The following KCNQ1 variants were observed in gnomAD, a reference collection of about 807,000 sequenced individuals.
KCNQ1 encodes the protein potassium voltage-gated channel subfamily Q member 1.
In KCNQ1, 49 loss-of-function variants were observed where a neutral mutation model predicts 72.4. The observed-to-expected ratio is 0.68, with a 90% confidence interval of 0.54 to 0.86. The LOEUF is 0.86. Among genes scored for constraint, KCNQ1 ranks in the 40% least tolerant of loss-of-function variants. KCNQ1 has a pLI of 0.00. For missense variants in KCNQ1, 790 were observed against 945.1 expected (o/e 0.84, Z 2.15); for synonymous variants, 450 against 412.6 (o/e 1.09, Z -1.10).
intron 15 of KCNQ1, among the ~76,000 whole-genome samples, chr11:2,794,821 T>C (rs1847098619): frequency 6.6e-6 from 1 of 152,106 alleles, no homozygotes. Context: ...ACATACCTGT[T>C]CTTCCCAAGT....
rs1416400119 is a variant in KCNQ1, at chr11:2,668,566, T to C, written c.1514+6485T>C. On this transcript the variant is annotated intron_variant, in intron 11 of 15. Transcript: ENST00000155840. The surrounding 1 kb of genome is among the most constrained non-coding windows in gnomAD (Gnocchi z 4.3). Reference sequence around the variant, plus strand: ...ACTAATGAAGTTGAGTCCCTTTCCATGTTATCATTTAGTCAGATACATCAT... The same window carrying C: ...ACTAATGAAGTTGAGTCCCTTTCCACGTTATCATTTAGTCAGATACATCAT... The C allele has an allele frequency of 5.0e-6, 2 of 398,534 alleles. No individual in the cohort carries two copies. Among genetic ancestry groups the C allele is most frequent in the African/African-American group, 4.1e-5 (2 of 48,634 alleles). 24.7% of individuals were successfully genotyped at this position (398,534 alleles called of 1,614,324 possible).
intron 8 of KCNQ1, among the ~76,000 whole-genome samples, chr11:2,587,247 C>T (rs1052966449): frequency 3.3e-5 from 5 of 152,198 alleles, no homozygotes; most frequent in African/African-American, 4.8e-5. Context: ...GGATGATGTG[C>T]GACCTGCCCA....
intron 1 of KCNQ1, among the ~76,000 whole-genome samples, chr11:2,517,042 C>T (rs1289227132): frequency 1.3e-5 from 2 of 152,192 alleles, no homozygotes; most frequent in Non-Finnish European, 2.9e-5. Flanking sequence ...CCAGGCTGCT[C>T]CTGGAAAGGA....
At chr11:2,806,355 T>C (rs1341933145) in intron 15 of KCNQ1, among the ~76,000 whole-genome samples, 4 of 152,178 alleles carry the variant, frequency 2.6e-5, no homozygotes, top group African/African-American at 9.7e-5. Flanking sequence ...GGGACTTCCC[T>C]GCTGAGGACG....
At chr11:2,733,017 G>A (rs1845880174) in intron 11 of KCNQ1, among the ~76,000 whole-genome samples, 2 of 152,130 alleles carry the variant, frequency 1.3e-5, no homozygotes, top group South Asian at 4.1e-4. Context: ...AGGGGGTCTG[G>A]GACACAGCCA....
At chr11:2,666,686 G>A (rs1850075435) in intron 11 of KCNQ1, 1 of 398,664 alleles carries the variant, frequency 2.5e-6, no homozygotes, top group African/African-American at 2.1e-5. Flanking sequence ...CTTGGCCTGG[G>A]ACATTTTGGA....
At position 2,488,700 on chromosome 11, in the gene KCNQ1, C is replaced by T. The variant is rs771440481; in HGVS notation, c.387-39228C>T. 1.3e-5 allele frequency among the ~76,000 whole-genome samples: 2 copies of T among 152,056 alleles called. No homozygotes were observed. The highest frequency in any genetic ancestry group is 2.4e-5 in the African/African-American group (1 of 41,400). On this transcript the variant is annotated intron_variant, in intron 1 of 15. Transcript: ENST00000155840. The surrounding 1 kb of genome is among the most constrained non-coding windows in gnomAD (Gnocchi z 5.1). ...TTTCTGTAGAATTGATAGTCATGTC[C>T]CTATTTTCACTTCTGATTTCAGTAG... is the stretch of plus-strand genomic sequence containing the variant.
Position 2,695,642 on chromosome 11 carries a change from C to G in KCNQ1, c.1514+33561C>G. The G allele has an allele frequency of 2.5e-6, 1 of 398,584 alleles. No homozygotes were observed. The highest frequency in any genetic ancestry group is 1.3e-4 in the South Asian group (1 of 7,850). 24.7% of individuals were successfully genotyped at this position (398,584 alleles called of 1,614,324 possible). ...ACTTAGGAGGGAAACTGCTGGGCCA[C>G]AGGTATAAAATATTTTATTTGAGGA... On this transcript the variant is annotated intron_variant, in intron 11 of 15. Coordinates refer to ENST00000155840, the MANE Select transcript of KCNQ1 (RefSeq NM_000218.3). This position sits in a 1 kb window ranked among gnomAD's most constrained non-coding sequence, Gnocchi z 5.2.
Position 2,734,201 on chromosome 11 carries a change from G to T in KCNQ1, c.1515-34643G>T, listed in dbSNP as rs921629082. ...GTGGACGTCCAAAGAATAAACGAAT[G>T]AACCATCCAAAGCACAGGCCAGAGG... On this transcript the variant is annotated intron_variant, in intron 11 of 15. Transcript: ENST00000155840. The surrounding 1 kb of genome is among the most constrained non-coding windows in gnomAD (Gnocchi z 7.0). 4.6e-5 allele frequency among the ~76,000 whole-genome samples: 7 copies of T among 152,174 alleles called. No individual in the cohort carries two copies. Among genetic ancestry groups the T allele is most frequent in the African/African-American group, 9.7e-5 (4 of 41,446 alleles).
At position 2,745,156 on chromosome 11, in the gene KCNQ1, G is replaced by A. The variant is rs1359451714; in HGVS notation, c.1515-23688G>A. The stretch of plus-strand genomic sequence containing the variant: ...TTTATTCCTCCATGCCAACTTTAAA[G>A]TTAAGTTTATTGCATTTCTTAAAAA... On this transcript the variant is annotated intron_variant, in intron 11 of 15. Transcript: ENST00000155840. This position sits in a 1 kb window ranked among gnomAD's most constrained non-coding sequence, Gnocchi z 6.2. Among the ~76,000 whole-genome samples the A allele has an allele frequency of 6.6e-6, 1 of 152,168 alleles. No individual in the cohort carries two copies. The highest frequency in any genetic ancestry group is 1.5e-5 in the Non-Finnish European group (1 of 68,040).
In KCNQ1 at chr11:2,699,505, GGAGCCCCCAGGAGAGTGCCGCGCTGA is replaced by G. The variant is rs1590039974; in HGVS notation, c.1514+37426_1514+37451del. ...GCCCCCGGGGAGAGTGCCGCGCTGA[GGAGCCCCCAGGAGAGTGCCGCGCTGA>G]GGAGGCCCAGGGAGGACCGCGCGGA... On this transcript the variant is annotated intron_variant, in intron 11 of 15. Coordinates refer to ENST00000155840, the MANE Select transcript of KCNQ1 (RefSeq NM_000218.3). The G allele has an allele frequency of 3.3e-5, 6 of 180,368 alleles. No homozygotes were observed. The East Asian group carries it at 4.5e-3, about 134-fold the overall frequency. 11.2% of individuals were successfully genotyped at this position (180,368 alleles called of 1,614,324 possible).
At position 2,508,655 on chromosome 11, in the gene KCNQ1, A is replaced by T. The variant is rs1847145086; in HGVS notation, c.387-19273A>T. On this transcript the variant is annotated intron_variant, in intron 1 of 15. Coordinates refer to ENST00000155840, the MANE Select transcript of KCNQ1 (RefSeq NM_000218.3). This position sits in a 1 kb window ranked among gnomAD's most constrained non-coding sequence, Gnocchi z 6.2. ...AGCACAGAGGGTGTGGGTGACCCAG[A>T]TATCCTGTTGTTGCTCAGAGACCCC... Among the ~76,000 whole-genome samples the T allele has an allele frequency of 6.6e-6, 1 of 152,156 alleles. No homozygotes were observed. Among genetic ancestry groups the T allele is most frequent in the South Asian group, 2.1e-4 (1 of 4,830 alleles).
rs2519184 is a variant in KCNQ1, at chr11:2,848,482, G to A, written c.*479G>A. ...ACCAGCCCACGCTGACTACAGGGCC[G>A]CCGGCAATAAAAGCCCAGGAGCCCA... On this transcript the variant is annotated 3_prime_UTR_variant, in exon 16 of 16. Coordinates refer to ENST00000155840, the MANE Select transcript of KCNQ1 (RefSeq NM_000218.3). The A allele has an allele frequency of 0.11, 49,060 of 457,636 alleles. 3,395 individuals are homozygous for A. Among genetic ancestry groups the A allele is most frequent in the Admixed American group, 0.23 (9,806 of 42,646 alleles). 28.3% of individuals were successfully genotyped at this position (457,636 alleles called of 1,614,324 possible).
In KCNQ1 at chr11:2,491,168, A is replaced by G. The variant is rs1259400509; in HGVS notation, c.387-36760A>G. 6.6e-6 allele frequency among the ~76,000 whole-genome samples: 1 copy of G among 152,240 alleles called. No individual in the cohort carries two copies. The highest frequency in any genetic ancestry group is 2.4e-5 in the African/African-American group (1 of 41,464). On this transcript the variant is annotated intron_variant, in intron 1 of 15. Coordinates refer to ENST00000155840, the MANE Select transcript of KCNQ1 (RefSeq NM_000218.3). The surrounding 1 kb of genome is among the most constrained non-coding windows in gnomAD (Gnocchi z 4.1). Reference sequence around the variant, plus strand: ...CAAACAAGCCCAGACTGCAAAGGCTACAATAAATACCTAACTCTTTAATGC... The same window carrying G: ...CAAACAAGCCCAGACTGCAAAGGCTGCAATAAATACCTAACTCTTTAATGC...
intron 2 of KCNQ1, among the ~76,000 whole-genome samples, chr11:2,548,699 G>T (rs1847934484): frequency 6.6e-6 from 1 of 152,228 alleles, no homozygotes; most frequent in Non-Finnish European, 1.5e-5. Context: ...TCTTCTTCTT[G>T]CATCTCAGAT....
rs1031707347 is a variant in KCNQ1 at position 2,671,909 on chromosome 11, C to T, written c.1514+9828C>T. ...AGCACCAGGCAGCCAGCCTGTGGGC[C>T]CCGCTATGCTTCCTCAGGCAGCTAG... On this transcript the variant is annotated intron_variant, in intron 11 of 15. Coordinates refer to ENST00000155840, the MANE Select transcript of KCNQ1 (RefSeq NM_000218.3). This position sits in a 1 kb window ranked among gnomAD's most constrained non-coding sequence, Gnocchi z 4.7. 5 of 398,560 alleles carry T rather than the reference C, an allele frequency of 1.3e-5. No homozygotes were observed. Among genetic ancestry groups the T allele is most frequent in the African/African-American group, 6.2e-5 (3 of 48,608 alleles). The allele number at this position is 398,560 out of a possible 1,614,324, so 24.7% of individuals were successfully genotyped here. A position where few individuals can be genotyped will look rare whatever the true frequency, so the allele number is the denominator to read the frequency against.
rs794728533 is a variant in KCNQ1 at position 2,776,029 on chromosome 11, G to T, written c.1660G>T (p.Val554Leu). The T allele has an allele frequency of 3.2e-6, 5 of 1,570,524 alleles. No homozygotes were observed. The highest frequency in any genetic ancestry group is 4.3e-6 in the Non-Finnish European group (5 of 1,158,110). The change falls in exon 13 of 16, where the codon GTG becomes TTG. Residue 554 changes from valine to leucine, a missense_variant. By Grantham distance (32) the Val-to-Leu change is conservative. Coordinates refer to ENST00000155840, the MANE Select transcript of KCNQ1 (RefSeq NM_000218.3). ...CTCGCAGGGCCACCTCAACCTCATG[G>T]TGCGCATCAAGGAGCTGCAGAGGAG... ...QYSQGHLNLMVRIKELQRRLD... is the reference protein window; with the variant it reads ...QYSQGHLNLMLRIKELQRRLD...
chr11:2,520,177 C>T (rs1341623614), intron 1 of KCNQ1, among the ~76,000 whole-genome samples: 1 of 152,188 alleles, frequency 6.6e-6, no homozygotes, highest in Admixed American at 6.5e-5. Flanking sequence ...GCCTCAGTGT[C>T]CCCATCGATT....
chr11:2,800,111 G>T (rs1243982809), intron 15 of KCNQ1, among the ~76,000 whole-genome samples: 3 of 152,222 alleles, frequency 2.0e-5, no homozygotes, highest in Non-Finnish European at 4.4e-5. Flanking sequence ...GACGTCCACA[G>T]TTCCCAGGGC....
Sources: gnomAD v4.1 joint callset for allele counts (sites outside exome capture counted in the v4.1 genomes callset) on GRCh38, gnomAD v4.1.1 for gene constraint, Gnocchi (gnomAD v3.1) non-coding constraint, MANE v1.5 for transcripts, NCBI Gene and HGNC (gene_info 2026-07-23, HGNC 2026-07-21) for gene names.